The following AFF3 variants were observed in gnomAD, a reference collection of about 807,000 sequenced individuals.
The protein encoded by AFF3 is AF4/FMR2 family member 3.
AFF3 carries 32 observed loss-of-function variants against 129.7 expected under a neutral mutation model. The ratio of observed to expected loss-of-function variants is 0.25; its 90% CI spans 0.19 to 0.33. The LOEUF is 0.33. Ranked by LOEUF, AFF3 falls within the 10% of genes least tolerant of loss-of-function variation. AFF3 has a pLI of 1.00. For synonymous variants in AFF3, 644 were observed against 635.4 expected, an observed-to-expected ratio of 1.01 and a Z score of -0.20; for missense variants, 1,373 against 1,592.0, an observed-to-expected ratio of 0.86 and a Z score of 2.34.
intron 8 of AFF3, among the ~76,000 whole-genome samples, chr2:99,784,789 A>G (rs1684671699): frequency 2.0e-5 from 3 of 152,178 alleles, no homozygotes; most frequent in Admixed American, 6.5e-5. Flanking sequence ...ATGTAACTGT[A>G]TTGTCCTATC....
At chr2:99,617,536 C>A (rs1212663080) in intron 13 of AFF3, among the ~76,000 whole-genome samples, 1 of 152,084 alleles carries the variant, frequency 6.6e-6, no homozygotes, top group Non-Finnish European at 1.5e-5. Flanking sequence ...ATTCTGGATA[C>A]AAGTTGTTTA....
At chr2:99,743,290 G>A (rs1680873255) in intron 10 of AFF3, among the ~76,000 whole-genome samples, 2 of 152,182 alleles carry the variant, frequency 1.3e-5, no homozygotes, top group South Asian at 4.2e-4. Context: ...TTTTCTCTCC[G>A]GCCCATTTGC....
At chr2:99,785,204 G>A (rs1684704441) in intron 8 of AFF3, among the ~76,000 whole-genome samples, 1 of 152,156 alleles carries the variant, frequency 6.6e-6, no homozygotes, top group Non-Finnish European at 1.5e-5. Flanking sequence ...CTCTGGCAAA[G>A]CCACTCCAGG....
At chr2:99,692,588 C>A (rs1558753702) in intron 11 of AFF3, among the ~76,000 whole-genome samples, 1 of 152,118 alleles carries the variant, frequency 6.6e-6, no homozygotes, top group Non-Finnish European at 1.5e-5. Context: ...CAATGCCTGG[C>A]CTCCTTCCTC....
At chr2:99,692,126 G>A (rs1041745015) in intron 11 of AFF3, among the ~76,000 whole-genome samples, 1 of 152,162 alleles carries the variant, frequency 6.6e-6, no homozygotes, top group East Asian at 1.9e-4. Context: ...TCAAAGCCAG[G>A]GTGGGTGTGG....
At chr2:99,857,533 A>G (rs1690616723) in intron 7 of AFF3, among the ~76,000 whole-genome samples, 1 of 152,216 alleles carries the variant, frequency 6.6e-6, no homozygotes, top group Non-Finnish European at 1.5e-5. Flanking sequence ...TCAAGAGTTC[A>G]TTAGAAAAAT....
rs527713457 is a variant in AFF3 at position 99,985,579 on chromosome 2, C to T, written c.873+21053G>A. 1.3e-4 allele frequency among the ~76,000 whole-genome samples: 20 copies of T among 152,186 alleles called. No individual in the cohort carries two copies. The South Asian group carries it at 3.9e-3, about 30-fold the overall frequency. ...GTAAGGATAAATTAATGGAACCACCCCACTACCATGAGAAAGAACAATTTA... is the reference window on the plus strand; with the variant it reads ...GTAAGGATAAATTAATGGAACCACCTCACTACCATGAGAAAGAACAATTTA... On this transcript the variant is annotated intron_variant, in intron 7 of 24. Coordinates refer to ENST00000672756, the MANE Select transcript of AFF3 (RefSeq NM_001386135.1).
chr2:99,910,795 G>C (rs1435378855), intron 7 of AFF3, among the ~76,000 whole-genome samples: 1 of 152,248 alleles, frequency 6.6e-6, no homozygotes, highest in African/African-American at 2.4e-5. Flanking sequence ...TTCTAAAGAA[G>C]GACATAAGAA....
chr2:99,974,009 C>T (rs1678639007), intron 7 of AFF3, among the ~76,000 whole-genome samples: 1 of 152,140 alleles, frequency 6.6e-6, no homozygotes, highest in South Asian at 2.1e-4. Context: ...AACATAACTT[C>T]CAAAGAACAA....
At chr2:100,034,695 C>T (rs1394594654) in intron 4 of AFF3, among the ~76,000 whole-genome samples, 2 of 152,028 alleles carry the variant, frequency 1.3e-5, no homozygotes, top group Non-Finnish European at 2.9e-5. Context: ...ATACAGATGC[C>T]TGGCTTTTGA....
At chr2:99,668,648 C>T (rs148443910) in intron 12 of AFF3, among the ~76,000 whole-genome samples, 1,529 of 152,042 alleles carry the variant, frequency 0.01, 21 homozygotes, top group African/African-American at 0.033. Flanking sequence ...CTGCAACCTC[C>T]GCCTCCCAGG....
chr2:99,703,959 T>C (rs771439617), intron 11 of AFF3, among the ~76,000 whole-genome samples: 11 of 152,252 alleles, frequency 7.2e-5, no homozygotes, highest in African/African-American at 1.7e-4. Flanking sequence ...AGTATTGCCA[T>C]ACACATAGGT....
At chr2:99,691,920 T>A (rs967226195) in intron 11 of AFF3, among the ~76,000 whole-genome samples, 2 of 152,182 alleles carry the variant, frequency 1.3e-5, no homozygotes, top group African/African-American at 4.8e-5. Context: ...ACAAGCATAT[T>A]TAATTAGTGG....
At chr2:99,581,915 C>T (rs559453972) in intron 17 of AFF3, among the ~76,000 whole-genome samples, 2 of 138,826 alleles carry the variant, frequency 1.4e-5, no homozygotes, top group African/African-American at 5.5e-5. Context: ...AGTGCAGTGC[C>T]GAGATCTCAG....
intron 8 of AFF3, among the ~76,000 whole-genome samples, chr2:99,768,786 T>A (rs546171407): frequency 6.6e-6 from 1 of 152,240 alleles, no homozygotes; most frequent in Non-Finnish European, 1.5e-5. Context: ...GGTAAAAGTT[T>A]TTTTTCCTTT....
At chr2:99,586,180 T>C (rs1308029737) in intron 16 of AFF3, among the ~76,000 whole-genome samples, 3 of 152,250 alleles carry the variant, frequency 2.0e-5, no homozygotes, top group African/African-American at 7.2e-5. Context: ...TTAAAAATAT[T>C]TGGGGACTAC....
At chr2:99,649,091 T>C (rs893915594) in intron 13 of AFF3, among the ~76,000 whole-genome samples, 2 of 152,032 alleles carry the variant, frequency 1.3e-5, no homozygotes, top group African/African-American at 4.8e-5. Flanking sequence ...CTGTGTGTGT[T>C]TCTTGATGAG....
At chr2:99,957,182 C>CGCGT (rs1553488548) in intron 7 of AFF3, among the ~76,000 whole-genome samples, 97 of 150,638 alleles carry the variant, frequency 6.4e-4, no homozygotes, top group African/African-American at 2.2e-3. Flanking sequence ...TGTGTGTGTG[C>CGCGT]GTGTGTGTGT....
intron 1 of AFF3, among the ~76,000 whole-genome samples, chr2:100,137,661 G>C (rs2105608357): frequency 6.6e-6 from 1 of 152,290 alleles, no homozygotes; most frequent in East Asian, 1.9e-4. Flanking sequence ...GAGTTGGCAT[G>C]GAAGATTTCA....
Sources: gnomAD v4.1 joint callset for allele counts (sites outside exome capture counted in the v4.1 genomes callset) on GRCh38, gnomAD v4.1.1 for gene constraint, MANE v1.5 for transcripts, NCBI Gene and HGNC (gene_info 2026-07-23, HGNC 2026-07-21) for gene names.